The following GNAL variants were observed in gnomAD, a reference collection of about 807,000 sequenced individuals.
GNAL encodes the protein G protein subunit alpha L, also known as guanine nucleotide-binding protein G(olf) subunit alpha.
GNAL carries 18 observed loss-of-function variants against 55.1 expected under a neutral mutation model. The ratio of observed to expected loss-of-function variants is 0.33; its 90% CI spans 0.23 to 0.48. GNAL has a LOEUF of 0.48. Among genes scored for constraint, GNAL ranks in the 20% least tolerant of loss-of-function variants. The pLI is 0.99. For missense variants in GNAL, 412 were observed against 614.1 expected, an observed-to-expected ratio of 0.67 and a Z score of 3.48; for synonymous variants, 253 against 237.0, an observed-to-expected ratio of 1.07 and a Z score of -0.62.
chr18:11,767,930 G>C (rs577880157), intron 4 of GNAL, among the ~76,000 whole-genome samples: 1 of 152,230 alleles, frequency 6.6e-6, no homozygotes, highest in Non-Finnish European at 1.5e-5. Flanking sequence ...TTAGTCTTGA[G>C]TACTTAGTAA....
intron 1 of GNAL, among the ~76,000 whole-genome samples, chr18:11,722,227 T>C (rs1295592119): frequency 1.3e-5 from 2 of 152,224 alleles, no homozygotes; most frequent in Non-Finnish European, 2.9e-5. Context: ...ATGATTTAAT[T>C]AACTTACCAC....
At chr18:11,702,289 C>T in intron 1 of GNAL, 1 of 152,266 alleles carries the variant, frequency 6.6e-6, no homozygotes, top group East Asian at 1.9e-4. Context: ...GCAAGAGTGG[C>T]ACCAGGGAGG....
intron 4 of GNAL, among the ~76,000 whole-genome samples, chr18:11,795,834 G>T (rs970365782): frequency 1.3e-5 from 2 of 152,196 alleles, no homozygotes; most frequent in African/African-American, 2.4e-5. Flanking sequence ...GGTTCTGCAG[G>T]TCTCATCAGA....
chr18:11,878,977 G>A (rs1314884826), intron 11 of GNAL, among the ~76,000 whole-genome samples: 7 of 132,708 alleles, frequency 5.3e-5, no homozygotes, highest in African/African-American at 2.0e-4. Context: ...GAGTGGGGAG[G>A]GATAGCATTA....
intron 4 of GNAL, among the ~76,000 whole-genome samples, chr18:11,824,262 TGGGGGGG>T (rs113728715): frequency 6.9e-6 from 1 of 145,092 alleles, no homozygotes; most frequent in Non-Finnish European, 1.5e-5. Context: ...ATGGCTGAGA[TGGGGGGG>T]GGGTTCAATG....
chr18:11,773,582 G>A (rs550908427), intron 4 of GNAL, among the ~76,000 whole-genome samples: 1 of 152,128 alleles, frequency 6.6e-6, no homozygotes, highest in Non-Finnish European at 1.5e-5. Flanking sequence ...ACCAGCCTGG[G>A]CAAAATTATG....
intron 4 of GNAL, among the ~76,000 whole-genome samples, chr18:11,758,732 G>C (rs1041740359): frequency 3.9e-5 from 6 of 152,248 alleles, no homozygotes; most frequent in Admixed American, 6.5e-5. Context: ...TTTGTTCAAG[G>C]CTTGACTCCC....
chr18:11,763,498 C>G (rs1432797294), intron 4 of GNAL, among the ~76,000 whole-genome samples: 1 of 151,820 alleles, frequency 6.6e-6, no homozygotes, highest in Non-Finnish European at 1.5e-5. Flanking sequence ...TGCAGCCTCC[C>G]AAGTAGCTGG....
chr18:11,827,635 A>T (rs1365891323), intron 5 of GNAL, among the ~76,000 whole-genome samples: 2 of 146,762 alleles, frequency 1.4e-5, no homozygotes, highest in East Asian at 4.0e-4. Flanking sequence ...TTAAAAAATT[A>T]AAAATGTCCT....
chr18:11,721,703 A>G (rs2032097068), intron 1 of GNAL, among the ~76,000 whole-genome samples: 1 of 151,968 alleles, frequency 6.6e-6, no homozygotes, highest in Non-Finnish European at 1.5e-5. Context: ...TGCCTGGCTA[A>G]TTAGAGTCTA....
Position 11,847,499 on chromosome 18 carries a change from A to G in GNAL, c.723-14896A>G, listed in dbSNP as rs558857742. Among the ~76,000 whole-genome samples, 12 of 151,330 alleles carry G rather than the reference A, an allele frequency of 7.9e-5. No homozygotes were observed. The East Asian group carries it at 2.1e-3, about 27-fold the overall frequency. On this transcript the variant is annotated intron_variant, in intron 5 of 11. Coordinates refer to ENST00000334049, the MANE Select transcript of GNAL (RefSeq NM_182978.4). ...AAATATTTTCATTTTAACCACTTGT[A>G]TTATTTCAAAGTAAGGAAAGAAATC...
chr18:11,859,618 T>G (rs1308920892), intron 5 of GNAL, among the ~76,000 whole-genome samples: 2 of 152,192 alleles, frequency 1.3e-5, no homozygotes, highest in African/African-American at 4.8e-5. Context: ...AACCTTCTGG[T>G]GCGCAGTAGC....
intron 1 of GNAL, among the ~76,000 whole-genome samples, chr18:11,696,168 A>G (rs758186070): frequency 3.3e-5 from 5 of 152,166 alleles, no homozygotes; most frequent in Non-Finnish European, 5.9e-5. Flanking sequence ...AAGAAATCCC[A>G]GTACTCTGGC....
chr18:11,762,314 G>A (rs1334396158), intron 4 of GNAL, among the ~76,000 whole-genome samples: 2 of 152,212 alleles, frequency 1.3e-5, no homozygotes, highest in Non-Finnish European at 2.9e-5. Context: ...TGCCAGCACT[G>A]TGGAGGGGAA....
intron 1 of GNAL, among the ~76,000 whole-genome samples, chr18:11,737,783 G>C (rs1339086423): frequency 6.6e-6 from 1 of 152,238 alleles, no homozygotes; most frequent in Non-Finnish European, 1.5e-5. Context: ...GGAACCATTT[G>C]GGTGAGAAAT....
chr18:11,822,808 CTT>C (rs56387710), intron 4 of GNAL, among the ~76,000 whole-genome samples: 8 of 139,934 alleles, frequency 5.7e-5, no homozygotes, highest in Middle Eastern at 3.7e-3. Context: ...TATTGTTTTT[CTT>C]TTTTTTTTTC....
At chr18:11,710,944 C>G (rs528060969) in intron 1 of GNAL, among the ~76,000 whole-genome samples, 1 of 151,568 alleles carries the variant, frequency 6.6e-6, no homozygotes, top group Non-Finnish European at 1.5e-5. Flanking sequence ...GGTGTGATCT[C>G]GGCTCACTGC....
intron 5 of GNAL, among the ~76,000 whole-genome samples, chr18:11,837,533 T>G (rs1346778541): frequency 6.6e-6 from 1 of 152,208 alleles, no homozygotes; most frequent in Non-Finnish European, 1.5e-5. Context: ...CATCTTTAGC[T>G]GTTAGGAAAA....
In GNAL at chr18:11,883,555, C is replaced by CACTG. The variant is rs1354538925; in HGVS notation, c.*2423_*2426dup. ...TTCCACTTTTTAAGTTTCTTTTGATCACTGACAGGCATTAACAGATGTAGC... is the reference window on the plus strand; with the variant it reads ...TTCCACTTTTTAAGTTTCTTTTGATCACTGACTGACAGGCATTAACAGATGTAGC... On this transcript the variant is annotated 3_prime_UTR_variant, in exon 12 of 12. Coordinates refer to ENST00000334049, the MANE Select transcript of GNAL (RefSeq NM_182978.4). 5 of 153,632 alleles carry CACTG rather than the reference C, an allele frequency of 3.3e-5. No individual in the cohort carries two copies. Among genetic ancestry groups the CACTG allele is most frequent in the Admixed American group, 1.3e-4 (2 of 15,278 alleles). The allele number at this position is 153,632 out of a possible 1,614,324, so 9.5% of individuals were successfully genotyped here.
Sources: gnomAD v4.1 joint callset for allele counts (sites outside exome capture counted in the v4.1 genomes callset) on GRCh38, gnomAD v4.1.1 for gene constraint, MANE v1.5 for transcripts, NCBI Gene and HGNC (gene_info 2026-07-23, HGNC 2026-07-21) for gene names.